RIMS1: variants seen among roughly 807,000 people sequenced by gnomAD.
RIMS1 encodes the protein regulating synaptic membrane exocytosis 1.
In RIMS1, 83 loss-of-function variants were observed where a neutral mutation model predicts 214.1. The observed-to-expected ratio is 0.39, with a 90% CI of 0.32 to 0.47. RIMS1 has a LOEUF of 0.47. RIMS1 is among the 20% of genes least tolerant of loss of function. The pLI, the probability that RIMS1 is intolerant of heterozygous loss-of-function variation, is 0.99. For synonymous variants in RIMS1, 793 were observed against 786.8 expected, an observed-to-expected ratio of 1.01 and a Z score of -0.13; for missense variants, 2,050 against 2,161.8, an observed-to-expected ratio of 0.95 and a Z score of 1.03.
At chr6:72,298,316 CACA>C in intron 26 of RIMS1, among the ~76,000 whole-genome samples, 1 of 152,062 alleles carries the variant, frequency 6.6e-6, no homozygotes, top group South Asian at 2.1e-4. Flanking sequence ...ATTATATTTT[CACA>C]ACAACTTGAG....
intron 2 of RIMS1, among the ~76,000 whole-genome samples, chr6:72,043,060 C>T (rs1821895658): frequency 6.6e-6 from 1 of 151,746 alleles, no homozygotes; most frequent in Non-Finnish European, 1.5e-5. Context: ...TTAGCTCTTA[C>T]ACTACACCCA....
intron 10 of RIMS1, among the ~76,000 whole-genome samples, chr6:72,243,644 T>C (rs969362999): frequency 8.6e-5 from 13 of 151,844 alleles, no homozygotes; most frequent in African/African-American, 3.1e-4. Context: ...CTTTCAAATA[T>C]ATAGTGGTTT....
At chr6:72,054,851 A>G (rs983232305) in intron 2 of RIMS1, among the ~76,000 whole-genome samples, 4 of 152,144 alleles carry the variant, frequency 2.6e-5, no homozygotes, top group African/African-American at 9.7e-5. Context: ...GTAGATTGCA[A>G]AAATGTTCTC....
rs1163085430 is a variant in RIMS1 at position 72,196,375 on chromosome 6, C to CTGTT, written c.1678+13229_1678+13230insTTGT. On this transcript the variant is annotated intron_variant, in intron 6 of 33. Transcript: ENST00000521978. Reference sequence around the variant, plus strand: ...TCTGTCTGTCTGTCTGTCTGTCTGTCTGTCTATCTATCTATCTATCTATCT... The same window carrying CTGTT: ...TCTGTCTGTCTGTCTGTCTGTCTGTCTGTTTGTCTATCTATCTATCTATCTATCT... Among the ~76,000 whole-genome samples the CTGTT allele has an allele frequency of 4.6e-3, 665 of 143,060 alleles. 15 individuals carry two copies. Among genetic ancestry groups the CTGTT allele is most frequent in the African/African-American group, 0.013 (469 of 36,566 alleles). 93.9% of individuals were successfully genotyped at this position (143,060 alleles called of 152,430 possible).
At chr6:72,108,328 G>A (rs1190448883) in intron 4 of RIMS1, among the ~76,000 whole-genome samples, 1 of 152,112 alleles carries the variant, frequency 6.6e-6, no homozygotes, top group Non-Finnish European at 1.5e-5. Flanking sequence ...GGGCTCAAGT[G>A]ATCCTCCTGC....
Position 72,182,426 on chromosome 6 carries a change from C to T in RIMS1, c.955C>T (p.Leu319Phe). 1 of 1,613,856 alleles carries T rather than the reference C, an allele frequency of 6.2e-7. No individual in the cohort carries two copies. The highest frequency in any genetic ancestry group is 8.5e-7 in the Non-Finnish European group (1 of 1,179,844). The change falls in exon 6 of 34, where the codon CTT becomes TTT. Residue 319 changes from leucine (L) to phenylalanine (F), a missense_variant. Coordinates refer to ENST00000521978, the MANE Select transcript of RIMS1 (RefSeq NM_014989.7). ...CAAAGAAAGGCGGGAAAGCCGAAGG[C>T]TTGAGAAAGGGCGATCACAGGATTA... ...ERKERRESRR[L>F]EKGRSQDYPD...
chr6:72,132,559 T>C (rs2040609911), intron 4 of RIMS1, among the ~76,000 whole-genome samples: 1 of 152,196 alleles, frequency 6.6e-6, no homozygotes, highest in African/African-American at 2.4e-5. Context: ...GTTGTTAAGG[T>C]AACCTTATTA....
At chr6:72,211,303 T>C (rs2053768726) in intron 6 of RIMS1, among the ~76,000 whole-genome samples, 1 of 152,210 alleles carries the variant, frequency 6.6e-6, no homozygotes, top group Non-Finnish European at 1.5e-5. Context: ...AGTAATGTGT[T>C]AGTTCTACCT....
At chr6:72,303,167 CAAAG>C (rs1198816137) in intron 26 of RIMS1, among the ~76,000 whole-genome samples, 2 of 150,838 alleles carry the variant, frequency 1.3e-5, no homozygotes, top group Non-Finnish European at 3.0e-5. Context: ...TGTGATAAGT[CAAAG>C]AGGTTTCCTA....
intron 6 of RIMS1, among the ~76,000 whole-genome samples, chr6:72,233,474 C>A (rs528024700): frequency 1.3e-5 from 2 of 149,952 alleles, no homozygotes; most frequent in Non-Finnish European, 3.0e-5. Context: ...TATGGACTGT[C>A]CTTTAAGGCT....
At chr6:72,375,146 A>T (rs1406235329) in intron 29 of RIMS1, among the ~76,000 whole-genome samples, 1 of 152,146 alleles carries the variant, frequency 6.6e-6, no homozygotes, top group South Asian at 2.1e-4. Flanking sequence ...CATGACCCTG[A>T]GGTTGGGGAC....
intron 2 of RIMS1, among the ~76,000 whole-genome samples, chr6:72,040,876 A>C (rs1718796788): frequency 6.6e-6 from 1 of 151,862 alleles, no homozygotes; most frequent in African/African-American, 2.4e-5. Context: ...AATTTATTTT[A>C]TTAATAATAA....
At chr6:71,969,579 C>T (rs372584410) in intron 2 of RIMS1, among the ~76,000 whole-genome samples, 6 of 152,212 alleles carry the variant, frequency 3.9e-5, no homozygotes, top group East Asian at 1.9e-4. Flanking sequence ...AAGGCTGAGG[C>T]GGGTGGATCA....
chr6:71,955,079 A>AT (rs1053014484), intron 1 of RIMS1, among the ~76,000 whole-genome samples: 2 of 151,914 alleles, frequency 1.3e-5, no homozygotes, highest in East Asian at 3.9e-4. Flanking sequence ...ATATGCCATG[A>AT]TTTTTTTTAG....
chr6:72,255,019 TCTC>T (rs10606498), intron 16 of RIMS1, among the ~76,000 whole-genome samples: 94,852 of 151,666 alleles, frequency 0.63, 30,103 homozygotes, highest in East Asian at 0.98. Context: ...GTTTCAAAGA[TCTC>T]CTCATAAATT....
intron 1 of RIMS1, among the ~76,000 whole-genome samples, chr6:71,924,888 C>G (rs1781155129): frequency 6.8e-6 from 1 of 148,122 alleles, no homozygotes; most frequent in Non-Finnish European, 1.5e-5. Flanking sequence ...CCTTCACCAA[C>G]AGCATGCTAC....
chr6:72,297,963 A>G (rs912506246), intron 26 of RIMS1, among the ~76,000 whole-genome samples: 2 of 152,004 alleles, frequency 1.3e-5, no homozygotes, highest in African/African-American at 4.8e-5. Flanking sequence ...TTGTGAGTAC[A>G]TCCCGGATAA....
chr6:71,942,080 G>A (rs1211658763), intron 1 of RIMS1, among the ~76,000 whole-genome samples: 1 of 152,160 alleles, frequency 6.6e-6, no homozygotes, highest in African/African-American at 2.4e-5. Flanking sequence ...AGGAGTGACA[G>A]TATGCACCAC....
chr6:71,938,853 C>T (rs1162033739), intron 1 of RIMS1, among the ~76,000 whole-genome samples: 1 of 152,208 alleles, frequency 6.6e-6, no homozygotes, highest in Non-Finnish European at 1.5e-5. Flanking sequence ...TTTGATCACA[C>T]CCTCGGTTTG....
Sources: allele counts gnomAD v4.1 joint callset (sites outside exome capture counted in the v4.1 genomes callset), GRCh38; gene constraint gnomAD v4.1.1; transcripts MANE v1.5; gene names NCBI Gene and HGNC (gene_info 2026-07-23, HGNC 2026-07-21).